USP4: variants seen among roughly 807,000 people sequenced by gnomAD.
USP4 encodes the protein ubiquitin specific peptidase 4.
In USP4, 72 loss-of-function variants were observed where a neutral mutation model predicts 118.2. The observed-to-expected ratio is 0.61, with a 90% CI of 0.50 to 0.74. USP4 has a LOEUF of 0.74. Ranked by LOEUF, USP4 falls within the 30% of genes least tolerant of loss-of-function variation. USP4 has a pLI of 0.00. For synonymous variants in USP4, 415 were observed against 440.4 expected, an observed-to-expected ratio of 0.94 and a Z score of 0.72; for missense variants, 1,037 against 1,185.7, an observed-to-expected ratio of 0.87 and a Z score of 1.84.
chr3:49,331,378 AG>A (rs2047616363), intron 2 of USP4, among the ~76,000 whole-genome samples: 1 of 151,028 alleles, frequency 6.6e-6, no homozygotes, highest in Non-Finnish European at 1.5e-5. Flanking sequence ...CCCAGCACTT[AG>A]GGAGGTCAAG....
At chr3:49,289,153 C>T (rs2047128116) in intron 15 of USP4, among the ~76,000 whole-genome samples, 1 of 152,122 alleles carries the variant, frequency 6.6e-6, no homozygotes, top group Admixed American at 6.6e-5. Flanking sequence ...CTGAAGTCTA[C>T]ACACCAAGAT....
At chr3:49,336,570 G>A (rs1474423528) in intron 1 of USP4, among the ~76,000 whole-genome samples, 1 of 151,630 alleles carries the variant, frequency 6.6e-6, no homozygotes, top group Non-Finnish European at 1.5e-5. Context: ...TGTTACCCAG[G>A]CTGGAGTGCA....
chr3:49,336,192 C>T (rs577364757), intron 1 of USP4, among the ~76,000 whole-genome samples: 48 of 72,514 alleles, frequency 6.6e-4, no homozygotes, highest in Middle Eastern at 0.033. Flanking sequence ...TTTTTTGAGA[C>T]GGAGTTTTCG....
chr3:49,289,959 A>C (rs1263331930), intron 15 of USP4, among the ~76,000 whole-genome samples: 1 of 152,094 alleles, frequency 6.6e-6, no homozygotes, highest in Admixed American at 6.6e-5. Flanking sequence ...AAAAGAAAAA[A>C]AAAGAAAAAG....
Position 49,332,102 on chromosome 3 carries a change from G to A in USP4, c.229+3367C>T, listed in dbSNP as rs148438215. Among the ~76,000 whole-genome samples the A allele has an allele frequency of 3.7e-3, 556 of 151,660 alleles. 2 individuals carry two copies. Among genetic ancestry groups the A allele is most frequent in the African/African-American group, 0.01 (428 of 41,358 alleles). On this transcript the variant is annotated intron_variant, in intron 2 of 21. Coordinates refer to ENST00000265560, the MANE Select transcript of USP4 (RefSeq NM_003363.4). ...AGGCTGGCCAACGTGCTGAAATCCC[G>A]TCTTTACTAAAAATACAAAAAAAAA... is the stretch of plus-strand genomic sequence containing the variant.
In USP4 at chr3:49,284,020, T is replaced by C. The variant is rs747058046; in HGVS notation, c.2507A>G (p.Asp836Gly). 1.2e-6 allele frequency: 2 copies of C among 1,614,124 alleles called. No individual in the cohort carries two copies. The highest frequency in any genetic ancestry group is 1.7e-6 in the Non-Finnish European group (2 of 1,180,054). Residue 836 changes from aspartate to glycine, a missense_variant, in exon 19 of 22, where the codon GAT (aspartate) becomes GGT (glycine). This residue lies in a region of USP4 where 522 missense variants were observed against 592.6 expected (regional missense o/e 0.88). Transcript: ENST00000265560. ...GAATTCTACGACTGTGTCGAGCTTA[T>C]CCCTCCAGTATCTGTTGTAGGAGAA... ...KRFSYNRYWR[D>G]KLDTVVEFPI...
intron 21 of USP4, 113 bp downstream of exon 21, chr3:49,278,701 T>G: frequency 2.2e-6 from 2 of 923,428 alleles, no homozygotes; most frequent in Non-Finnish European, 3.4e-6. Flanking sequence ...CTGTCACACC[T>G]AGCTCCCACT....
At chr3:49,300,109 T>C (rs2107779165) in intron 11 of USP4, among the ~76,000 whole-genome samples, 1 of 152,082 alleles carries the variant, frequency 6.6e-6, no homozygotes, top group South Asian at 2.1e-4. Context: ...TAGCTGAGCG[T>C]GGTGGTACAC....
chr3:49,287,194 G>A (rs892687957), intron 15 of USP4, among the ~76,000 whole-genome samples: 7 of 151,518 alleles, frequency 4.6e-5, no homozygotes, highest in African/African-American at 7.3e-5. Context: ...TCACTCTTTC[G>A]TCCAGGCTGG....
intron 4 of USP4, 68 bp from the exon 5 acceptor site, chr3:49,325,107 C>CTAAT (rs2047538729): frequency 1.3e-6 from 2 of 1,563,180 alleles, no homozygotes. Context: ...CCATGGCAAA[C>CTAAT]TAATGCTCAT....
At chr3:49,334,010 A>G in intron 2 of USP4, among the ~76,000 whole-genome samples, 1 of 151,404 alleles carries the variant, frequency 6.6e-6, no homozygotes, top group East Asian at 1.9e-4. Flanking sequence ...CAAGAGCAAA[A>G]CTCCGTCTCA....
chr3:49,284,281 G>A (rs1559464273), intron 18 of USP4, 145 bp from the exon 19 acceptor site: 1 of 1,244,968 alleles, frequency 8.0e-7, no homozygotes, highest in Non-Finnish European at 1.1e-6. Flanking sequence ...CCAGGGACCT[G>A]TCTTCCAAAA....
intron 15 of USP4, among the ~76,000 whole-genome samples, chr3:49,292,076 G>A (rs2047157588): frequency 6.6e-6 from 1 of 152,028 alleles, no homozygotes; most frequent in African/African-American, 2.4e-5. Flanking sequence ...CAAAGTGCTG[G>A]GATTACAGGC....
At chr3:49,315,928 G>C (rs574445772) in intron 6 of USP4, among the ~76,000 whole-genome samples, 202 of 152,280 alleles carry the variant, frequency 1.3e-3, no homozygotes, top group Non-Finnish European at 1.0e-3. Context: ...ACTAGGCCAG[G>C]CGTGGTGGCT....
At chr3:49,316,329 C>A (rs922489918) in intron 6 of USP4, among the ~76,000 whole-genome samples, 2 of 151,920 alleles carry the variant, frequency 1.3e-5, no homozygotes, top group African/African-American at 2.4e-5. Context: ...ACTCTGTCAC[C>A]CAGGCTGGAG....
At position 49,287,321 on chromosome 3, in the gene USP4, C is replaced by CTT. The variant is rs568137444; in HGVS notation, c.1973-998_1973-997dup. The stretch of plus-strand genomic sequence containing the variant: ...AGGTGCGTGCTACCACACCCGGCTA[C>CTT]TTTTTTGTATTTTTAGTAGAGACAA... On this transcript the variant is annotated intron_variant, in intron 15 of 21. Coordinates refer to ENST00000265560, the MANE Select transcript of USP4 (RefSeq NM_003363.4). Among the ~76,000 whole-genome samples, 553 of 151,842 alleles carry CTT rather than the reference C, an allele frequency of 3.6e-3. 1 individual carries two copies. Among genetic ancestry groups the CTT allele is most frequent in the African/African-American group, 0.013 (523 of 41,386 alleles).
Position 49,292,502 on chromosome 3 carries a change from A to G in USP4, c.1972+8T>C. On this transcript the variant is annotated splice_region_variant and intron_variant, in intron 15 of 21. Transcript: ENST00000265560. ...CAGTCACAGCCACAGAGCATGGTGC[A>G]TACTCACCTTCACAGCTGTTCCTGG... The G allele has an allele frequency of 6.4e-7, 1 of 1,555,602 alleles. No homozygotes were observed. Among genetic ancestry groups the G allele is most frequent in the Non-Finnish European group, 8.7e-7 (1 of 1,148,734 alleles).
chr3:49,281,487 T>C lies in USP4; in HGVS notation c.2541-640A>G, dbSNP rs868577995. Reference sequence around the variant, plus strand: ...GAAAAAAAGTATGTGTATATATATATATATACACACACACACACACACACA... The same window carrying C: ...GAAAAAAAGTATGTGTATATATATACATATACACACACACACACACACACA... On this transcript the variant is annotated intron_variant, in intron 19 of 21. Transcript: ENST00000265560. 7.3e-3 allele frequency among the ~76,000 whole-genome samples: 828 copies of C among 113,364 alleles called. 10 individuals are homozygous for C. Among genetic ancestry groups the C allele is most frequent in the African/African-American group, 0.022 (661 of 30,222 alleles). The allele number at this position is 113,364 out of a possible 152,430, so 74.4% of individuals were successfully genotyped here.
intron 13 of USP4, among the ~76,000 whole-genome samples, chr3:49,297,546 G>A (rs2047222805): frequency 6.6e-6 from 1 of 152,026 alleles, no homozygotes; most frequent in Non-Finnish European, 1.5e-5. Context: ...CACACAGCTG[G>A]GATTCCTCTT....
Sources: allele counts gnomAD v4.1 joint callset (sites outside exome capture counted in the v4.1 genomes callset), GRCh38; gene constraint gnomAD v4.1.1; regional missense constraint gnomAD v4.1.1; transcripts MANE v1.5; gene names NCBI Gene and HGNC (gene_info 2026-07-23, HGNC 2026-07-21).